TEX14: variants seen among roughly 807,000 people sequenced by gnomAD.
The protein encoded by TEX14 is inactive serine/threonine-protein kinase TEX14.
TEX14 carries 168 observed loss-of-function variants against 178.6 expected under a neutral mutation model. The observed-to-expected ratio is 0.94, with a 90% CI of 0.83 to 1.07. The LOEUF is 1.07. Among genes scored for constraint, TEX14 ranks in the 50% least tolerant of loss-of-function variants. The pLI, the probability that TEX14 is intolerant of heterozygous loss-of-function variation, is 0.00. For synonymous variants in TEX14, 626 were observed against 634.1 expected (o/e 0.99, Z 0.19); for missense variants, 1,730 against 1,753.6 (o/e 0.99, Z 0.24).
chr17:58,638,348 C>T (rs1198533965), intron 2 of TEX14, among the ~76,000 whole-genome samples: 1 of 103,126 alleles, frequency 9.7e-6, no homozygotes, highest in Admixed American at 8.9e-5. Context: ...GTCTCTACTA[C>T]AATAAATTAA....
At position 58,577,404 on chromosome 17, in the gene TEX14, C is replaced by CA. The variant is rs2144382837; in HGVS notation, c.3290dup (p.Leu1097PhefsTer13). 2.6e-6 allele frequency: 4 copies of CA among 1,512,516 alleles called. No individual in the cohort carries two copies. The highest frequency in any genetic ancestry group is 3.6e-6 in the Non-Finnish European group (4 of 1,126,190). 93.7% of individuals were successfully genotyped at this position (1,512,516 alleles called of 1,614,324 possible). Reference sequence around the variant, plus strand: ...GTACAGGTTGAAATTGAGACCTGGGCAAAATCTCAGCATTCTTTCCAAGAA... The same window carrying CA: ...GTACAGGTTGAAATTGAGACCTGGGCAAAAATCTCAGCATTCTTTCCAAGAA... On this transcript the variant is annotated frameshift_variant, in exon 21 of 32. Transcript: ENST00000349033. LOFTEE classifies it high-confidence loss of function.
At chr17:58,666,423 G>A in intron 1 of TEX14, 1 of 113,610 alleles carries the variant, frequency 8.8e-6, no homozygotes, top group South Asian at 3.1e-4. Context: ...CTGCACTCCA[G>A]CCTAGATAAA....
intron 3 of TEX14, among the ~76,000 whole-genome samples, chr17:58,626,156 T>C (rs542082145): frequency 2.6e-5 from 4 of 152,202 alleles, no homozygotes; most frequent in South Asian, 4.1e-4. Flanking sequence ...CCAACAGCAA[T>C]AGATCCCTGA....
At chr17:58,587,545 C>A in intron 17 of TEX14, 36 bp downstream of exon 17, 1 of 1,269,452 alleles carries the variant, frequency 7.9e-7, no homozygotes, top group South Asian at 1.3e-5. Context: ...CTTTAAATTT[C>A]ATTTTGTCTA....
At chr17:58,616,329 A>G in intron 6 of TEX14, 24 bp from the exon 7 acceptor site, 1 of 1,606,474 alleles carries the variant, frequency 6.2e-7, no homozygotes, top group Non-Finnish European at 8.5e-7. Flanking sequence ...ATAGCCTCAA[A>G]TTATGGGGAG....
At chr17:58,649,462 G>C (rs903147132) in intron 2 of TEX14, among the ~76,000 whole-genome samples, 1 of 152,004 alleles carries the variant, frequency 6.6e-6, no homozygotes, top group African/African-American at 2.4e-5. Context: ...AGAATTTATC[G>C]CCCCTTATTC....
chr17:58,687,609 A>T (rs1208486668), intron 1 of TEX14, among the ~76,000 whole-genome samples: 1 of 151,708 alleles, frequency 6.6e-6, no homozygotes, highest in Admixed American at 6.6e-5. Context: ...CTGGGATTAC[A>T]GGTGTGAGCC....
chr17:58,562,084 CA>C (rs528561318), intron 28 of TEX14, among the ~76,000 whole-genome samples: 2 of 149,582 alleles, frequency 1.3e-5, no homozygotes, highest in African/African-American at 4.9e-5. Context: ...GACTCTGTCT[CA>C]AAAAAAAAGA....
chr17:58,559,186 A>G (rs2044220024), intron 30 of TEX14, among the ~76,000 whole-genome samples: 2 of 152,102 alleles, frequency 1.3e-5, no homozygotes, highest in South Asian at 4.1e-4. Flanking sequence ...AAGAAGCAGC[A>G]AAACGTCTCC....
chr17:58,569,118 C>A lies in TEX14; in HGVS notation c.3886+74G>T. ...TTTATACTAGTGTTCACACTTGAGA[C>A]AAAGACACCATACTGTGGTCAGTGA... On this transcript the variant is annotated intron_variant, in intron 26 of 31. Coordinates refer to ENST00000349033, the MANE Select transcript of TEX14 (RefSeq NM_031272.5). The surrounding 1 kb of genome is among the most constrained non-coding windows in gnomAD (Gnocchi z 4.1). 7.8e-7 allele frequency: 1 copy of A among 1,275,674 alleles called. No homozygotes were observed. Among genetic ancestry groups the A allele is most frequent in the Admixed American group, 1.9e-5 (1 of 53,986 alleles). The allele number at this position is 1,275,674 out of a possible 1,614,324, so 79.0% of individuals were successfully genotyped here. A position where few individuals can be genotyped will look rare whatever the true frequency, so the allele number is the denominator to read the frequency against.
chr17:58,641,725 T>C lies in TEX14; in HGVS notation c.136+10141A>G, dbSNP rs374427383. Reference sequence around the variant, plus strand: ...TTTCTCCATGTTGGCCAACCTGGTCTCTATCTCCTGACCTTGTGATCTGCC... The same window carrying C: ...TTTCTCCATGTTGGCCAACCTGGTCCCTATCTCCTGACCTTGTGATCTGCC... On this transcript the variant is annotated intron_variant, in intron 2 of 31. Transcript: ENST00000349033. 8.5e-5 allele frequency among the ~76,000 whole-genome samples: 13 copies of C among 152,136 alleles called. No individual in the cohort carries two copies. In the South Asian group the frequency reaches 2.5e-3, roughly 29 times the overall value.
chr17:58,606,294 A>G (rs935381710), intron 10 of TEX14, among the ~76,000 whole-genome samples: 5 of 152,222 alleles, frequency 3.3e-5, no homozygotes, highest in Admixed American at 6.5e-5. Context: ...TGAGCCATAA[A>G]GCGCTCTTTC....
rs754654343 is a variant in TEX14, at chr17:58,586,050, T to C, written c.2821A>G (p.Thr941Ala). ...EVKEMAKKAA[T>A]GQLTVPPWHP... ...CAAGGAGGTACTGTGAGCTGTCCAG[T>C]AGCTGCTTTCTTTGCCATTTCTTTC... Residue 941 changes from threonine to alanine, a missense_variant, in exon 18 of 32, where the codon ACT becomes GCT. By Grantham distance (58) the Thr-to-Ala change is moderately conservative. Transcript: ENST00000349033. 4 of 1,613,258 alleles carry C rather than the reference T, an allele frequency of 2.5e-6. No individual in the cohort carries two copies. The highest frequency in any genetic ancestry group is 3.3e-5 in the Admixed American group (2 of 59,990).
chr17:58,646,835 T>A (rs761198641), intron 2 of TEX14, among the ~76,000 whole-genome samples: 16 of 152,148 alleles, frequency 1.1e-4, no homozygotes, highest in Non-Finnish European at 2.1e-4. Flanking sequence ...TCATAATCTG[T>A]AACAATCGGT....
At chr17:58,629,460 A>T in intron 3 of TEX14, among the ~76,000 whole-genome samples, 1 of 150,154 alleles carries the variant, frequency 6.7e-6, no homozygotes, top group Admixed American at 6.7e-5. Flanking sequence ...TGTCAGGAAA[A>T]AAAAAAAAAA....
At chr17:58,631,819 C>G (rs77103330) in intron 2 of TEX14, 2 of 148,868 alleles carry the variant, frequency 1.3e-5, no homozygotes, top group African/African-American at 5.2e-5. Context: ...TAGAAATTAT[C>G]CCTCAAAATA....
intron 12 of TEX14, 25 bp from the exon 13 acceptor site, chr17:58,601,981 G>C (rs760465952): frequency 6.2e-7 from 1 of 1,610,912 alleles, no homozygotes. Context: ...ATATTGTCAA[G>C]GACATAGTCT....
At chr17:58,669,523 CAGG>C (rs1438216689) in intron 1 of TEX14, among the ~76,000 whole-genome samples, 1 of 151,776 alleles carries the variant, frequency 6.6e-6, no homozygotes, top group Non-Finnish European at 1.5e-5. Context: ...CATTTGAGGT[CAGG>C]AGTTCGAAAC....
intron 2 of TEX14, among the ~76,000 whole-genome samples, chr17:58,645,363 A>G (rs1417804298): frequency 6.8e-6 from 1 of 147,420 alleles, no homozygotes; most frequent in Non-Finnish European, 1.5e-5. Context: ...TGGCTTCTAT[A>G]ATTTTTTTTT....
Sources: gnomAD v4.1 joint callset for allele counts (sites outside exome capture counted in the v4.1 genomes callset) on GRCh38, gnomAD v4.1.1 for gene constraint, Gnocchi (gnomAD v3.1) non-coding constraint, MANE v1.5 for transcripts, NCBI Gene and HGNC (gene_info 2026-07-23, HGNC 2026-07-21) for gene names.